The following ZFPM1 variants were observed in gnomAD, a reference collection of about 807,000 sequenced individuals.
ZFPM1 encodes the protein zinc finger protein ZFPM1.
ZFPM1 carries 28 observed loss-of-function variants against 46.3 expected under a neutral mutation model. The ratio of observed to expected loss-of-function variants is 0.60; its 90% CI spans 0.45 to 0.83. The LOEUF (loss-of-function observed/expected upper bound fraction) is 0.83. Among genes scored for constraint, ZFPM1 ranks in the 40% least tolerant of loss-of-function variants. The probability of loss-of-function intolerance (pLI) is 0.00; values close to 1 mark genes in which losing one functional copy is unlikely to be tolerated. For synonymous variants in ZFPM1, 957 were observed against 675.9 expected (o/e 1.42, Z -6.45); for missense variants, 1,878 against 1,432.4 (o/e 1.31, Z -5.02).
chr16:88,516,197 C>A (rs1284256180), intron 4 of ZFPM1: 4 of 398,580 alleles, frequency 1.0e-5, no homozygotes, highest in African/African-American at 8.2e-5. Context: ...GAACCCACAT[C>A]TGCCTATCCC....
chr16:88,476,441 G>C (rs113724407), intron 1 of ZFPM1, among the ~76,000 whole-genome samples: 4 of 152,136 alleles, frequency 2.6e-5, no homozygotes, highest in African/African-American at 9.6e-5. Flanking sequence ...GCCGCCAAGT[G>C]GCAGGGCGGC....
At chr16:88,460,271 C>T (rs1352169679) in intron 1 of ZFPM1, among the ~76,000 whole-genome samples, 1 of 152,190 alleles carries the variant, frequency 6.6e-6, no homozygotes, top group Non-Finnish European at 1.5e-5. Flanking sequence ...CCCCAGCCTA[C>T]TGTTGGCAGG....
intron 3 of ZFPM1, among the ~76,000 whole-genome samples, chr16:88,509,888 G>A (rs1910859431): frequency 6.6e-6 from 1 of 152,168 alleles, no homozygotes; most frequent in Admixed American, 6.5e-5. Flanking sequence ...GTCACGGAGG[G>A]GGCCACGGTT....
intron 6 of ZFPM1, chr16:88,530,836 A>G (rs1912731782): frequency 1.3e-5 from 2 of 152,284 alleles, no homozygotes; most frequent in African/African-American, 4.8e-5. Context: ...CCCCAAGTAA[A>G]AGGAACTTGA....
At chr16:88,502,314 G>A (rs944188713) in intron 3 of ZFPM1, among the ~76,000 whole-genome samples, 1 of 151,954 alleles carries the variant, frequency 6.6e-6, no homozygotes, top group African/African-American at 2.4e-5. Flanking sequence ...ATTGCGTCTC[G>A]TGAGGGTGCC....
At chr16:88,525,334 G>A (rs1398287998) in intron 4 of ZFPM1, among the ~76,000 whole-genome samples, 1 of 152,224 alleles carries the variant, frequency 6.6e-6, no homozygotes, top group Non-Finnish European at 1.5e-5. Flanking sequence ...GGACATCCCT[G>A]CACTGTCACC....
rs1160790663 is a variant in ZFPM1, at chr16:88,533,815, C to G, written c.1857C>G (p.Pro619=). The G allele has an allele frequency of 4.8e-6, 5 of 1,035,976 alleles. No individual in the cohort carries two copies. Among genetic ancestry groups the G allele is most frequent in the South Asian group, 4.4e-5 (1 of 22,572 alleles). The allele number at this position is 1,035,976 out of a possible 1,614,324, so 64.2% of individuals were successfully genotyped here. Residue 619 remains proline, a synonymous_variant, in exon 10 of 10, where the codon CCC becomes CCG. Transcript: ENST00000319555. Reference sequence around the variant, plus strand: ...CCGCGCGCAGGCCCAAGGCGCCCCCCGGCCCGGCCCGCGCGCCCCCCGGCC... The same window carrying G: ...CCGCGCGCAGGCCCAAGGCGCCCCCGGGCCCGGCCCGCGCGCCCCCCGGCC... ...APAARRPKAP[P]GPARAPPGQP...
At chr16:88,508,066 G>C (rs777952827) in intron 3 of ZFPM1, among the ~76,000 whole-genome samples, 8 of 152,212 alleles carry the variant, frequency 5.3e-5, no homozygotes, top group African/African-American at 1.9e-4. Context: ...GGAGGCTGAG[G>C]TGGGCAGATC....
intron 1 of ZFPM1, among the ~76,000 whole-genome samples, chr16:88,484,001 G>A (rs1300391671): frequency 6.6e-6 from 1 of 152,210 alleles, no homozygotes; most frequent in Non-Finnish European, 1.5e-5. Flanking sequence ...TTGGACGCTG[G>A]CGGGTGGCAC....
intron 5 of ZFPM1, among the ~76,000 whole-genome samples, chr16:88,527,278 T>C (rs76412713): frequency 0.071 from 10,852 of 152,242 alleles, 655 homozygotes; most frequent in African/African-American, 0.16. Context: ...GACACCAGAC[T>C]GGCTGGCAGG....
At position 88,534,687 on chromosome 16, in the gene ZFPM1, C is replaced by T; in HGVS notation, c.2729C>T (p.Pro910Leu). The change falls in exon 10 of 10, where the codon CCG becomes CTG. Residue 910 changes from proline to leucine, a missense_variant. Pro to Leu is a moderately conservative substitution (Grantham distance 98). Coordinates refer to ENST00000319555, the MANE Select transcript of ZFPM1 (RefSeq NM_153813.3). ...PSPAPAPAAS[P>L]QPGSRGPRDG... is the part of the protein sequence containing the mutation. ...CCCGCTCCCGCCCCCGCCGCCTCCC[C>T]GCAGCCCGGGTCCCGTGGCCCCCGG... 5.1e-6 allele frequency: 5 copies of T among 989,422 alleles called. No homozygotes were observed. Among genetic ancestry groups the T allele is most frequent in the Non-Finnish European group, 4.8e-6 (4 of 834,096 alleles). The allele number at this position is 989,422 out of a possible 1,614,324, so 61.3% of individuals were successfully genotyped here. A position where few individuals can be genotyped will look rare whatever the true frequency, so the allele number is the denominator to read the frequency against.
chr16:88,498,178 G>T (rs1223494053), intron 3 of ZFPM1, among the ~76,000 whole-genome samples: 1 of 151,516 alleles, frequency 6.6e-6, no homozygotes, highest in Non-Finnish European at 1.5e-5. Context: ...TGGGGAACAC[G>T]GACCCACCTG....
Position 88,453,601 on chromosome 16 carries a change from T to C in ZFPM1, c.-38T>C. 9.4e-7 allele frequency: 1 copy of C among 1,064,100 alleles called. No homozygotes were observed. The highest frequency in any genetic ancestry group is 1.1e-6 in the Non-Finnish European group (1 of 872,602). The allele number at this position is 1,064,100 out of a possible 1,614,324, so 65.9% of individuals were successfully genotyped here. On this transcript the variant is annotated 5_prime_UTR_variant, in exon 1 of 10. The change abolishes the stop of an existing upstream ORF in the 5' untranslated region. Coordinates refer to ENST00000319555, the MANE Select transcript of ZFPM1 (RefSeq NM_153813.3). ...CCGCCCGCCGCCGCCCGCCCGGGGC[T>C]AGAGGCGGCCGCCGGGAGGGCGCGC...
chr16:88,507,645 C>T (rs914218312), intron 3 of ZFPM1, among the ~76,000 whole-genome samples: 2 of 152,218 alleles, frequency 1.3e-5, no homozygotes, highest in Non-Finnish European at 2.9e-5. Context: ...CACCAGCCCC[C>T]ATGGGAGATG....
At chr16:88,483,866 C>T (rs1376739538) in intron 1 of ZFPM1, among the ~76,000 whole-genome samples, 1 of 152,244 alleles carries the variant, frequency 6.6e-6, no homozygotes. Flanking sequence ...GAAAATCCAC[C>T]TTCCCGCCTC....
intron 1 of ZFPM1, among the ~76,000 whole-genome samples, chr16:88,479,385 C>T (rs540572857): frequency 3.5e-4 from 54 of 152,184 alleles, no homozygotes; most frequent in African/African-American, 1.1e-3. Context: ...CCTGGGAGGG[C>T]GCCGCTTGGC....
At chr16:88,463,075 G>A (rs1274858737) in intron 1 of ZFPM1, among the ~76,000 whole-genome samples, 5 of 152,146 alleles carry the variant, frequency 3.3e-5, no homozygotes, top group African/African-American at 9.7e-5. Context: ...ACCCATCACC[G>A]CCTCCTGCCC....
At position 88,501,653 on chromosome 16, in the gene ZFPM1, A is replaced by T. The variant is rs1290971356; in HGVS notation, c.268+12500A>T. Among the ~76,000 whole-genome samples, 205 of 131,386 alleles carry T rather than the reference A, an allele frequency of 1.6e-3. 13 individuals are homozygous for T. Among genetic ancestry groups the T allele is most frequent in the South Asian group, 3.2e-3 (12 of 3,752 alleles). 86.2% of individuals were successfully genotyped at this position (131,386 alleles called of 152,430 possible). A position where few individuals can be genotyped will look rare whatever the true frequency, so the allele number is the denominator to read the frequency against. On this transcript the variant is annotated intron_variant, in intron 3 of 9. Transcript: ENST00000319555. ...GGCCTGGGTGCGTGGGCCATCGCGCAGGTGCTGGTGATGATAGAGATAGCG... is the reference window on the plus strand; with the variant it reads ...GGCCTGGGTGCGTGGGCCATCGCGCTGGTGCTGGTGATGATAGAGATAGCG...
intron 3 of ZFPM1, among the ~76,000 whole-genome samples, chr16:88,501,072 A>G (rs1263187502): frequency 6.8e-6 from 1 of 147,046 alleles, no homozygotes; most frequent in East Asian, 2.1e-4. Flanking sequence ...GGTAGCGGTC[A>G]TGGATGCGGG....
Sources: gnomAD v4.1 joint callset for allele counts (sites outside exome capture counted in the v4.1 genomes callset) on GRCh38, gnomAD v4.1.1 for gene constraint, MANE v1.5 for transcripts, NCBI Gene and HGNC (gene_info 2026-07-23, HGNC 2026-07-21) for gene names.